The following EDNRB variants were observed in gnomAD, a reference collection of about 807,000 sequenced individuals.
EDNRB encodes Hirschsprung disease 2.
A neutral mutation model predicts 46.4 loss-of-function variants in EDNRB; 18 were observed. That is an observed-to-expected ratio of 0.39 (90% confidence interval 0.27 to 0.57). The LOEUF (loss-of-function observed/expected upper bound fraction) is 0.57, where lower values mean the gene tolerates loss of function less well. Ranked by LOEUF, EDNRB falls within the 20% of genes least tolerant of loss-of-function variation. The pLI is 0.61. For synonymous variants in EDNRB, 213 were observed against 204.9 expected, an observed-to-expected ratio of 1.04 and a Z score of -0.34; for missense variants, 434 against 537.5, an observed-to-expected ratio of 0.81 and a Z score of 1.90.
chr13:77,930,018 G>A (rs966877853), intron 1 of EDNRB, among the ~76,000 whole-genome samples: 3 of 152,182 alleles, frequency 2.0e-5, no homozygotes, highest in Non-Finnish European at 4.4e-5. Context: ...TCTTAGCAAA[G>A]GTGCAGGCTT....
upstream of EDNRB, chr13:77,919,557 T>A: frequency 6.2e-7 from 1 of 1,612,556 alleles, no homozygotes; most frequent in Non-Finnish European, 8.5e-7. Context: ...TGCCAGACAG[T>A]GTAGCCTCCA....
intron 1 of EDNRB, among the ~76,000 whole-genome samples, chr13:77,932,674 T>C (rs1298290940): frequency 1.3e-5 from 2 of 152,248 alleles, no homozygotes; most frequent in East Asian, 1.9e-4. Context: ...TGTCCAGTCA[T>C]AGCTTCTTTG....
At chr13:77,954,495 TA>T (rs997370200) in intron 1 of EDNRB, among the ~76,000 whole-genome samples, 1 of 143,620 alleles carries the variant, frequency 7.0e-6, no homozygotes, top group African/African-American at 2.5e-5. Flanking sequence ...TTTATTTATT[TA>T]TTTATTTATT....
chr13:77,908,724 T>A (rs1879417746), intron 1 of EDNRB, among the ~76,000 whole-genome samples: 1 of 151,954 alleles, frequency 6.6e-6, no homozygotes, highest in Non-Finnish European at 1.5e-5. Flanking sequence ...TTAAATTAGA[T>A]AACTTAAGGG....
chr13:77,954,378 G>T (rs2137677288), intron 1 of EDNRB, among the ~76,000 whole-genome samples: 1 of 152,144 alleles, frequency 6.6e-6, no homozygotes, highest in Admixed American at 6.5e-5. Flanking sequence ...GAAAAATCAT[G>T]CAGTGTTTGT....
intron 1 of EDNRB, among the ~76,000 whole-genome samples, chr13:77,964,198 T>G (rs1019438571): frequency 6.6e-6 from 1 of 152,208 alleles, no homozygotes; most frequent in African/African-American, 2.4e-5. Flanking sequence ...TCAACCATTG[T>G]GGAAGACAGT....
At chr13:77,973,534 AT>A (rs376809877) in intron 1 of EDNRB, among the ~76,000 whole-genome samples, 3,154 of 150,884 alleles carry the variant, frequency 0.021, 62 homozygotes, top group East Asian at 0.024. Flanking sequence ...TTACACACAG[AT>A]TTTTTTTTTC....
At chr13:77,957,716 G>A (rs960365064) in intron 1 of EDNRB, among the ~76,000 whole-genome samples, 3 of 152,122 alleles carry the variant, frequency 2.0e-5, no homozygotes, top group Admixed American at 6.5e-5. Flanking sequence ...CTGCCTGCAC[G>A]TACACTTTCA....
Position 77,934,282 on chromosome 13 carries a change from G to T in EDNRB, c.-51-15658C>A, listed in dbSNP as rs141047166. 2.1e-4 allele frequency among the ~76,000 whole-genome samples: 32 copies of T among 152,280 alleles called. 1 individual carries two copies. Among genetic ancestry groups the T allele is most frequent in the African/African-American group, 6.5e-4 (27 of 41,548 alleles). ...GAAGGGAAAGTGGTAAAAGTATTGT[G>T]CAGTCCTTTTTAAGTTGGTGGCTGA... On this transcript the variant is annotated intron_variant, in intron 1 of 7. Transcript: ENST00000646948.
Position 77,895,595 on chromosome 13 carries a change from A to T in EDNRB, c.*2605T>A, listed in dbSNP as rs201073478. On this transcript the variant is annotated 3_prime_UTR_variant, in exon 7 of 7. Transcript: ENST00000646607. ...CATTTATATTTCTTTTAAACAATCA[A>T]TTAGTATTTAATGAATTAGTGTCTG... is the stretch of plus-strand genomic sequence containing the variant. 6.6e-6 allele frequency: 1 copy of T among 152,074 alleles called. No individual in the cohort carries two copies. The highest frequency in any genetic ancestry group is 6.6e-5 in the Admixed American group (1 of 15,244). 9.4% of individuals were successfully genotyped at this position (152,074 alleles called of 1,614,324 possible).
intron 1 of EDNRB, among the ~76,000 whole-genome samples, chr13:77,970,600 A>T (rs1328920732): frequency 1.3e-5 from 2 of 151,840 alleles, no homozygotes; most frequent in African/African-American, 4.8e-5. Context: ...TATTATTATT[A>T]TTATTTTGGC....
chr13:77,933,319 A>G (rs1880455790), intron 1 of EDNRB, among the ~76,000 whole-genome samples: 1 of 152,138 alleles, frequency 6.6e-6, no homozygotes, highest in African/African-American at 2.4e-5. Context: ...CCGAAAAGAG[A>G]GTCAGCGAAG....
At position 77,938,051 on chromosome 13, in the gene EDNRB, G is replaced by A. The variant is rs191197174; in HGVS notation, c.-51-19427C>T. ...CTGTCAAGTTTGTTTGGGGTCAAGCGGCATTGCAGAAGAAAATAAGGCATT... is the reference window on the plus strand; with the variant it reads ...CTGTCAAGTTTGTTTGGGGTCAAGCAGCATTGCAGAAGAAAATAAGGCATT... On this transcript the variant is annotated intron_variant, in intron 1 of 7. Coordinates refer to the EDNRB transcript ENST00000646948. Among the ~76,000 whole-genome samples, 104 of 152,234 alleles carry A rather than the reference G, an allele frequency of 6.8e-4. 1 individual carries two copies. Among genetic ancestry groups the A allele is most frequent in the Admixed American group, 1.3e-3 (20 of 15,296 alleles).
At chr13:77,962,841 T>C (rs1881467407) in intron 1 of EDNRB, among the ~76,000 whole-genome samples, 1 of 152,244 alleles carries the variant, frequency 6.6e-6, no homozygotes, top group Non-Finnish European at 1.5e-5. Context: ...TGTCCCTGTT[T>C]GCAGATGACA....
At chr13:77,973,842 A>T (rs1881805823) in intron 1 of EDNRB, among the ~76,000 whole-genome samples, 1 of 151,966 alleles carries the variant, frequency 6.6e-6, no homozygotes, top group Non-Finnish European at 1.5e-5. Flanking sequence ...ACTTATTACA[A>T]ATATTTCTTT....
chr13:77,912,998 G>A (rs374334259), intron 1 of EDNRB, among the ~76,000 whole-genome samples: 2 of 152,008 alleles, frequency 1.3e-5, no homozygotes, highest in African/African-American at 2.4e-5. Context: ...TTTACTGACT[G>A]GAAAATTATA....
chr13:77,958,446 C>A (rs745505941), intron 1 of EDNRB, among the ~76,000 whole-genome samples: 13 of 152,222 alleles, frequency 8.5e-5, no homozygotes, highest in South Asian at 2.1e-4. Flanking sequence ...AATATCAGCT[C>A]ACTGCAAGCT....
chr13:77,929,730 G>A (rs978660079), intron 1 of EDNRB, among the ~76,000 whole-genome samples: 2 of 152,146 alleles, frequency 1.3e-5, no homozygotes, highest in African/African-American at 4.8e-5. Context: ...TGGGAAAGAG[G>A]AGAGCATGGA....
chr13:77,919,619 TC>T (rs756840793), upstream of EDNRB: 3 of 1,596,508 alleles, frequency 1.9e-6, no homozygotes, highest in Admixed American at 5.1e-5. Context: ...TATTCATTCA[TC>T]CCTTCCCATC....
Sources: allele counts gnomAD v4.1 joint callset (sites outside exome capture counted in the v4.1 genomes callset), GRCh38; gene constraint gnomAD v4.1.1; transcripts MANE v1.5; gene names NCBI Gene and HGNC (gene_info 2026-07-23, HGNC 2026-07-21).